CNTN4: variants seen among roughly 807,000 people sequenced by gnomAD.
CNTN4 encodes contactin 4.
Under a neutral mutation model 122.5 loss-of-function variants are expected in CNTN4, and 77 were observed. The observed-to-expected ratio is 0.63, with a 90% CI of 0.52 to 0.76. The LOEUF (loss-of-function observed/expected upper bound fraction) is 0.76. Among genes scored for constraint, CNTN4 ranks in the 30% least tolerant of loss-of-function variants. The probability of loss-of-function intolerance (pLI) is 0.00; values close to 1 mark genes in which losing one functional copy is unlikely to be tolerated. For synonymous variants in CNTN4, 512 were observed against 447.0 expected, an observed-to-expected ratio of 1.15 and a Z score of -1.83; for missense variants, 1,256 against 1,259.1, an observed-to-expected ratio of 1.00 and a Z score of 0.04.
chr3:2,718,766 T>C (rs1022573430), intron 4 of CNTN4, among the ~76,000 whole-genome samples: 7 of 152,250 alleles, frequency 4.6e-5, no homozygotes, highest in Non-Finnish European at 1.0e-4. Flanking sequence ...AAGAGACTTA[T>C]CTAGTTAAAT....
At chr3:2,615,003 T>G (rs1299080063) in intron 4 of CNTN4, among the ~76,000 whole-genome samples, 1 of 152,084 alleles carries the variant, frequency 6.6e-6, no homozygotes, top group Non-Finnish European at 1.5e-5. Flanking sequence ...TGCTGAGAAA[T>G]TAATTGATAG....
intron 3 of CNTN4, among the ~76,000 whole-genome samples, chr3:2,435,037 C>T (rs2048211470): frequency 6.6e-6 from 1 of 152,058 alleles, no homozygotes; most frequent in Non-Finnish European, 1.5e-5. Context: ...TGTGTCTTTC[C>T]AAAATATGTG....
At chr3:2,321,779 G>T (rs1336007454) in intron 2 of CNTN4, among the ~76,000 whole-genome samples, 5 of 152,002 alleles carry the variant, frequency 3.3e-5, no homozygotes, top group African/African-American at 9.7e-5. Flanking sequence ...TTTATGTCCA[G>T]TTCTTCTCTG....
chr3:2,729,590 C>T (rs1001095408), intron 4 of CNTN4, among the ~76,000 whole-genome samples: 2 of 146,408 alleles, frequency 1.4e-5, no homozygotes. Flanking sequence ...TGAAAGTTGT[C>T]TGTGCTCAAT....
intron 3 of CNTN4, among the ~76,000 whole-genome samples, chr3:2,452,003 G>T (rs2048846979): frequency 6.6e-6 from 1 of 152,096 alleles, no homozygotes; most frequent in African/African-American, 2.4e-5. Flanking sequence ...GACATTCTTT[G>T]AGTTTTCACC....
chr3:2,627,744 C>T (rs559065264), intron 4 of CNTN4, among the ~76,000 whole-genome samples: 94 of 152,188 alleles, frequency 6.2e-4, no homozygotes, highest in Middle Eastern at 3.4e-3. Flanking sequence ...CTGCCCGCCT[C>T]GGCCTCCCAA....
intron 15 of CNTN4, among the ~76,000 whole-genome samples, chr3:3,029,231 A>G (rs192826324): frequency 1.3e-5 from 2 of 152,346 alleles, no homozygotes; most frequent in Non-Finnish European, 2.9e-5. Flanking sequence ...TAGATTTAAC[A>G]TCTTGGACAT....
chr3:2,347,190 T>G (rs1441776206), intron 3 of CNTN4, among the ~76,000 whole-genome samples: 52 of 152,172 alleles, frequency 3.4e-4, no homozygotes, highest in Non-Finnish European at 1.5e-4. Flanking sequence ...CAAGAAAAGT[T>G]TATTTCTCTC....
At position 2,602,477 on chromosome 3, in the gene CNTN4, C is replaced by T. The variant is rs181622055; in HGVS notation, c.55+30919C>T. On this transcript the variant is annotated intron_variant, in intron 4 of 24. Coordinates refer to ENST00000418658, the MANE Select transcript of CNTN4 (RefSeq NM_175607.3). ...GACAGAGAGCCAAATCATCAGTGAA[C>T]TCCCATTCACAATTGCTTCAAAGAG... 2.0e-5 allele frequency among the ~76,000 whole-genome samples: 3 copies of T among 152,276 alleles called. No homozygotes were observed. The East Asian group carries it at 5.8e-4, about 29-fold the overall frequency.
intron 4 of CNTN4, among the ~76,000 whole-genome samples, chr3:2,627,669 AT>A (rs779419377): frequency 6.6e-6 from 1 of 151,362 alleles, no homozygotes; most frequent in South Asian, 2.1e-4. Flanking sequence ...AATTTTTTGT[AT>A]TTTTAGTAGA....
At chr3:2,167,154 G>T (rs923317810) in intron 2 of CNTN4, among the ~76,000 whole-genome samples, 1 of 152,024 alleles carries the variant, frequency 6.6e-6, no homozygotes, top group South Asian at 2.1e-4. Context: ...GCTTAAGAAG[G>T]ATAAACCAAT....
chr3:2,512,039 A>AAT (rs1308644209), intron 3 of CNTN4, among the ~76,000 whole-genome samples: 9 of 152,236 alleles, frequency 5.9e-5, no homozygotes, highest in East Asian at 3.9e-4. Context: ...AAGTAAAACT[A>AAT]ATATATATAT....
At chr3:2,536,521 A>G (rs1412664746) in intron 3 of CNTN4, among the ~76,000 whole-genome samples, 2 of 152,090 alleles carry the variant, frequency 1.3e-5, no homozygotes, top group African/African-American at 2.4e-5. Flanking sequence ...AGTTGATCCT[A>G]TCGAGGTGAG....
At chr3:2,793,471 G>A (rs891744563) in intron 6 of CNTN4, among the ~76,000 whole-genome samples, 1 of 151,958 alleles carries the variant, frequency 6.6e-6, no homozygotes, top group East Asian at 1.9e-4. Context: ...AGTTTTACTG[G>A]ATTTTTGTCC....
chr3:2,305,220 C>T (rs2042662338), intron 2 of CNTN4, among the ~76,000 whole-genome samples: 1 of 152,150 alleles, frequency 6.6e-6, no homozygotes, highest in South Asian at 2.1e-4. Context: ...GGGCAGCTGT[C>T]AGCCTAGCAT....
intron 3 of CNTN4, among the ~76,000 whole-genome samples, chr3:2,553,143 G>A (rs2149374604): frequency 6.6e-6 from 1 of 152,250 alleles, no homozygotes; most frequent in Non-Finnish European, 1.5e-5. Context: ...ATTGGCTTGA[G>A]TTTAGGAACC....
At chr3:2,356,419 G>A (rs528621307) in intron 3 of CNTN4, among the ~76,000 whole-genome samples, 1 of 152,286 alleles carries the variant, frequency 6.6e-6, no homozygotes, top group Non-Finnish European at 1.5e-5. Flanking sequence ...AGACCGTATA[G>A]GGTAACTTCC....
intron 23 of CNTN4, among the ~76,000 whole-genome samples, chr3:3,051,450 T>C (rs1701262524): frequency 6.6e-6 from 1 of 152,200 alleles, no homozygotes. Flanking sequence ...TTTGGATTTA[T>C]ATTTGAAACA....
intron 2 of CNTN4, among the ~76,000 whole-genome samples, chr3:2,258,780 TA>T (rs2040703673): frequency 6.6e-6 from 1 of 152,042 alleles, no homozygotes; most frequent in Non-Finnish European, 1.5e-5. Flanking sequence ...AACCTTTTTA[TA>T]TTTTTTTATT....
Sources: allele counts gnomAD v4.1 joint callset (sites outside exome capture counted in the v4.1 genomes callset), GRCh38; gene constraint gnomAD v4.1.1; transcripts MANE v1.5; gene names NCBI Gene and HGNC (gene_info 2026-07-23, HGNC 2026-07-21).